The following CCDC18 variants were observed in gnomAD, a reference collection of about 807,000 sequenced individuals.
The protein encoded by CCDC18 is coiled-coil domain containing 18, also known as coiled-coil domain-containing protein 18.
CCDC18 carries 157 observed loss-of-function variants against 196.0 expected under a neutral mutation model. That is an observed-to-expected ratio of 0.80 (90% CI 0.70 to 0.91). CCDC18 has a LOEUF of 0.91. Among genes scored for constraint, CCDC18 ranks in the 40% least tolerant of loss-of-function variants. The probability of loss-of-function intolerance (pLI) is 0.00; values close to 1 mark genes in which losing one functional copy is unlikely to be tolerated. For synonymous variants in CCDC18, 482 were observed against 529.2 expected (o/e 0.91, Z 1.22); for missense variants, 1,465 against 1,611.6 (o/e 0.91, Z 1.56).
chr1:93,269,974 G>A (rs1420717576), intron 27 of CCDC18, among the ~76,000 whole-genome samples: 1 of 152,092 alleles, frequency 6.6e-6, no homozygotes, highest in Non-Finnish European at 1.5e-5. Flanking sequence ...GGGTCTTTTT[G>A]TGTCTATATG....
rs1335955827 is a variant in CCDC18, at chr1:93,239,664, T to C, written c.2768-19T>C. The C allele has an allele frequency of 1.1e-5, 17 of 1,522,094 alleles. No individual in the cohort carries two copies. The highest frequency in any genetic ancestry group is 1.4e-5 in the Non-Finnish European group (16 of 1,108,344). 94.3% of individuals were successfully genotyped at this position (1,522,094 alleles called of 1,614,324 possible). Reference sequence around the variant, plus strand: ...AATGGTTTACATATAGTTATAAAATTATTCTCTCCTCTTAATAGTAAAGGA... The same window carrying C: ...AATGGTTTACATATAGTTATAAAATCATTCTCTCCTCTTAATAGTAAAGGA... On this transcript the variant is annotated intron_variant, in intron 20 of 28. Coordinates refer to ENST00000690025, the MANE Select transcript of CCDC18 (RefSeq NM_001378204.1).
intron 10 of CCDC18, among the ~76,000 whole-genome samples, chr1:93,211,733 T>A (rs1655684280): frequency 1.3e-5 from 2 of 152,190 alleles, no homozygotes; most frequent in African/African-American, 4.8e-5. Context: ...GTGTCATAAT[T>A]TATTTGTTCC....
chr1:93,204,631 C>T (rs532488981), intron 7 of CCDC18, among the ~76,000 whole-genome samples: 1 of 152,188 alleles, frequency 6.6e-6, no homozygotes, highest in Non-Finnish European at 1.5e-5. Flanking sequence ...ATATTAAATA[C>T]TGAGATCAAG....
At chr1:93,208,982 A>C (rs1238216582) in intron 9 of CCDC18, among the ~76,000 whole-genome samples, 1 of 148,186 alleles carries the variant, frequency 6.7e-6, no homozygotes, top group Non-Finnish European at 1.5e-5. Context: ...TTTTGAAACG[A>C]AGTTTCACTC....
At chr1:93,180,288 G>T, upstream of CCDC18, 1 of 1,552,668 alleles carries the variant, frequency 6.4e-7, no homozygotes. Context: ...AGGTACTGTT[G>T]TCTCCGCTCC....
intron 26 of CCDC18, among the ~76,000 whole-genome samples, chr1:93,260,224 A>G (rs1426439863): frequency 6.6e-6 from 1 of 152,140 alleles, no homozygotes; most frequent in Non-Finnish European, 1.5e-5. Context: ...TCTCTACTAA[A>G]AATACAAAAA....
intron 18 of CCDC18, 46 bp from the exon 19 acceptor site, chr1:93,236,202 A>T: frequency 6.7e-7 from 1 of 1,485,498 alleles, no homozygotes; most frequent in South Asian, 1.3e-5. Flanking sequence ...TTATAAAAGT[A>T]TTTTTCTTCT....
chr1:93,241,172 C>T (rs973384855), intron 21 of CCDC18, among the ~76,000 whole-genome samples: 12 of 151,366 alleles, frequency 7.9e-5, no homozygotes, highest in Non-Finnish European at 5.9e-5. Flanking sequence ...CCAGACTGGT[C>T]TTGAACTCCT....
At chr1:93,274,368 C>A (rs1268201661) in intron 28 of CCDC18, among the ~76,000 whole-genome samples, 1 of 152,100 alleles carries the variant, frequency 6.6e-6, no homozygotes, top group Non-Finnish European at 1.5e-5. Context: ...CGCCACAGCA[C>A]TCCAGCCTGG....
intron 13 of CCDC18, among the ~76,000 whole-genome samples, chr1:93,217,316 T>G (rs992712059): frequency 6.6e-6 from 1 of 152,248 alleles, no homozygotes; most frequent in African/African-American, 2.4e-5. Context: ...AGTTTAAATC[T>G]TCTCGTCTTG....
intron 27 of CCDC18, among the ~76,000 whole-genome samples, chr1:93,268,233 G>C (rs780114173): frequency 6.6e-6 from 1 of 152,130 alleles, no homozygotes; most frequent in Admixed American, 6.6e-5. Context: ...ATGTAGAAAG[G>C]TGAAACTGGA....
chr1:93,212,108 C>T lies in CCDC18; in HGVS notation c.1342C>T (p.Leu448Phe), dbSNP rs1451646714. 6 of 1,596,158 alleles carry T rather than the reference C, an allele frequency of 3.8e-6. No homozygotes were observed. Among genetic ancestry groups the T allele is most frequent in the African/African-American group, 1.4e-5 (1 of 73,742 alleles). Residue 448 changes from leucine to phenylalanine, a missense_variant, in exon 11 of 29, where the codon CTT (leucine) becomes TTT (phenylalanine). Transcript: ENST00000690025. ...KLVISELRIK[L>F]AIKEAEIQKL... ...TCTTTTCTTTTGTGCCAGAATTAAG[C>T]TTGCAATAAAAGAGGCAGAAATTCA...
At position 93,254,596 on chromosome 1, in the gene CCDC18, G is replaced by A. The variant is rs61729705; in HGVS notation, c.3324G>A (p.Arg1108=). 1,296 of 1,610,440 alleles carry A rather than the reference G, an allele frequency of 8.0e-4. 20 individuals are homozygous for A. In the East Asian group the frequency reaches 0.027, roughly 33 times the overall value. Residue 1108 remains arginine (R), a synonymous_variant, in exon 24 of 29, where the codon AGG becomes AGA. Transcript: ENST00000690025. The part of the protein sequence containing the change: ...LKKEIERTQQ[R]MKEMESVMKE... ...AAGAAATTGAAAGAACACAACAAAG[G>A]ATGAAAGAAATGGAGAGTGTAAGCA...
intron 21 of CCDC18, among the ~76,000 whole-genome samples, chr1:93,242,624 C>T (rs896065658): frequency 1.3e-5 from 2 of 152,186 alleles, no homozygotes; most frequent in Non-Finnish European, 2.9e-5. Context: ...CTCAAAAGTC[C>T]ACAGTCCAAA....
intron 21 of CCDC18, among the ~76,000 whole-genome samples, chr1:93,243,168 C>T (rs1661047291): frequency 6.6e-6 from 1 of 152,236 alleles, no homozygotes; most frequent in Non-Finnish European, 1.5e-5. Context: ...GAAGCCCTGC[C>T]TCAGCAGCAA....
At position 93,183,451 on chromosome 1, in the gene CCDC18, G is replaced by T. The variant is rs375311033; in HGVS notation, c.90G>T (p.Lys30Asn). 4 of 1,607,164 alleles carry T rather than the reference G, an allele frequency of 2.5e-6. No individual in the cohort carries two copies. Among genetic ancestry groups the T allele is most frequent in the East Asian group, 2.2e-5 (1 of 44,540 alleles). ...ANVASLRHEL[K>N]ITEWSLQSLG... is the part of the protein sequence containing the mutation. ...TTGCTTCCTTAAGACATGAACTGAA[G>T]ATAACAGAATGGAGTTTGCAGAGTT... is the stretch of plus-strand genomic sequence containing the variant. The change falls in exon 2 of 29, where the codon AAG becomes AAT. Residue 30 changes from lysine to asparagine, a missense_variant. Physicochemically the swap from Lys to Asn is moderately conservative, Grantham distance 94. Coordinates refer to ENST00000690025, the MANE Select transcript of CCDC18 (RefSeq NM_001378204.1).
chr1:93,191,998 AG>A lies in CCDC18; in HGVS notation c.463del, dbSNP rs1447020332. 6.3e-7 allele frequency: 1 copy of A among 1,598,614 alleles called. No homozygotes were observed. Among genetic ancestry groups the A allele is most frequent in the South Asian group, 1.1e-5 (1 of 89,878 alleles). ...ACTATAAAAGTTGTTTTTATGTTTTAGGTTTCTATGCTTGAGTCTGCTCAAC... is the reference window on the plus strand; with the variant it reads ...ACTATAAAAGTTGTTTTTATGTTTTAGTTTCTATGCTTGAGTCTGCTCAAC... On this transcript the variant is annotated splice_acceptor_variant, in intron 4 of 28. Transcript: ENST00000690025. LOFTEE classifies it high-confidence loss of function.
At chr1:93,262,185 A>C (rs543635816) in intron 26 of CCDC18, 1 of 152,254 alleles carries the variant, frequency 6.6e-6, no homozygotes, top group Non-Finnish European at 1.5e-5. Context: ...TCGGGTGGGG[A>C]CACAGAGCCA....
intron 28 of CCDC18, among the ~76,000 whole-genome samples, chr1:93,276,054 A>G (rs547502159): frequency 2.6e-4 from 39 of 152,334 alleles, no homozygotes; most frequent in African/African-American, 9.4e-4. Context: ...AAGCAGTGGT[A>G]GGGCCAGGAG....
Sources: allele counts gnomAD v4.1 joint callset (sites outside exome capture counted in the v4.1 genomes callset), GRCh38; gene constraint gnomAD v4.1.1; transcripts MANE v1.5; gene names NCBI Gene and HGNC (gene_info 2026-07-23, HGNC 2026-07-21).